PPP1R13L: variants seen among roughly 807,000 people sequenced by gnomAD.
PPP1R13L encodes relA-associated inhibitor.
Under a neutral mutation model 80.9 loss-of-function variants are expected in PPP1R13L, and 50 were observed. The observed-to-expected ratio is 0.62, with a 90% CI of 0.49 to 0.78. PPP1R13L has a LOEUF of 0.78. Ranked by LOEUF, PPP1R13L falls within the 30% of genes least tolerant of loss-of-function variation. PPP1R13L has a pLI of 0.00. For synonymous variants in PPP1R13L, 602 were observed against 534.3 expected, an observed-to-expected ratio of 1.13 and a Z score of -1.75; for missense variants, 1,200 against 1,205.9, an observed-to-expected ratio of 1.00 and a Z score of 0.07.
At chr19:45,402,566 G>A (rs1025708912) in intron 1 of PPP1R13L, among the ~76,000 whole-genome samples, 3 of 152,196 alleles carry the variant, frequency 2.0e-5, no homozygotes, top group African/African-American at 4.8e-5. Flanking sequence ...CGGGGAATGC[G>A]CAGCGGGCCC....
chr19:45,383,660 C>A (rs1388052190), intron 11 of PPP1R13L, among the ~76,000 whole-genome samples: 1 of 152,178 alleles, frequency 6.6e-6, no homozygotes, highest in Non-Finnish European at 1.5e-5. Context: ...TTTTGCCCTA[C>A]CCTGGCGCTT....
intron 11 of PPP1R13L, among the ~76,000 whole-genome samples, chr19:45,383,923 G>A (rs1453152871): frequency 6.6e-6 from 1 of 151,558 alleles, no homozygotes. Context: ...CGCTACACCC[G>A]GCTAAATTGT....
At chr19:45,389,985 G>C (rs1004201315) in intron 8 of PPP1R13L, among the ~76,000 whole-genome samples, 1 of 151,834 alleles carries the variant, frequency 6.6e-6, no homozygotes, top group Non-Finnish European at 1.5e-5. Context: ...GTAGAGACGG[G>C]GTTTCACCGT....
chr19:45,380,219 TG>T lies in PPP1R13L; in HGVS notation c.2457del (p.Arg820GlyfsTer2). On this transcript the variant is annotated frameshift_variant, in exon 13 of 13. Coordinates refer to ENST00000360957, the MANE Select transcript of PPP1R13L (RefSeq NM_006663.4). LOFTEE classifies it high-confidence loss of function. The stretch of plus-strand genomic sequence containing the variant: ...ACTTTACTCCTTTGAGGCTTCACCC[TG>T]GGGAACAGCTGGGGAGAGACAGGAT... ...YVPRNYFGLF[P>X]RVKPQRSKV 6.2e-7 allele frequency: 1 copy of T among 1,614,022 alleles called. No homozygotes were observed. Among genetic ancestry groups the T allele is most frequent in the Non-Finnish European group, 8.5e-7 (1 of 1,179,976 alleles).
At chr19:45,406,182 T>G (rs1973356267), upstream of PPP1R13L, 3 of 606,728 alleles carry the variant, frequency 4.9e-6, no homozygotes, top group Non-Finnish European at 6.2e-6. This position sits in a 1 kb window ranked among gnomAD's most constrained non-coding sequence, Gnocchi z 4.2. Flanking sequence ...TTGCCCCTAT[T>G]TCTCCATTTT....
intron 8 of PPP1R13L, among the ~76,000 whole-genome samples, chr19:45,387,087 A>C (rs779367691): frequency 5.9e-5 from 9 of 151,768 alleles, no homozygotes; most frequent in Non-Finnish European, 1.3e-4. Context: ...TGGGCAATAT[A>C]GTGAGACCCA....
At chr19:45,402,042 T>C (rs1240226094) in intron 1 of PPP1R13L, 1 of 152,134 alleles carries the variant, frequency 6.6e-6, no homozygotes, top group Non-Finnish European at 1.5e-5. Context: ...GTTCACCTCA[T>C]AGGACTACTG....
At position 45,385,876 on chromosome 19, in the gene PPP1R13L, C is replaced by A. The variant is rs533221256; in HGVS notation, c.2029G>T (p.Asp677Tyr). The change falls in exon 10 of 13, where the codon GAT (aspartate) becomes TAT (tyrosine). Residue 677 changes from aspartate (D) to tyrosine (Y), a missense_variant. Physicochemically the swap from Asp to Tyr is radical, Grantham distance 160 (BLOSUM62 -3). This residue lies in a region of PPP1R13L where 214 missense variants were observed against 199.6 expected (regional missense o/e 1.07). Transcript: ENST00000360957. ...TTGGCACCCGCGGTGATGAGGAAATCCACGATAGAGTAGTTGGCGCCGCAG... is the reference window on the plus strand; with the variant it reads ...TTGGCACCCGCGGTGATGAGGAAATACACGATAGAGTAGTTGGCGCCGCAG... Reference protein sequence around the residue: ...AICGANYSIVDFLITAGANVN... With the variant: ...AICGANYSIVYFLITAGANVN... 1.6e-5 allele frequency: 26 copies of A among 1,611,098 alleles called. No homozygotes were observed. In the East Asian group the frequency reaches 5.1e-4, roughly 32 times the overall value.
At chr19:45,380,559 T>C (rs1441514510) in intron 12 of PPP1R13L, among the ~76,000 whole-genome samples, 1 of 152,100 alleles carries the variant, frequency 6.6e-6, no homozygotes, top group Non-Finnish European at 1.5e-5. Context: ...GGGTCACACC[T>C]ATAATCCCAG....
chr19:45,385,411 A>T (rs901038403), intron 11 of PPP1R13L, 151 bp downstream of exon 11: 2 of 933,502 alleles, frequency 2.1e-6, no homozygotes, highest in African/African-American at 3.3e-5. Context: ...CACCCCCGCA[A>T]GCGGTCCATC....
intron 7 of PPP1R13L, 155 bp downstream of exon 7, chr19:45,395,281 C>A: frequency 9.4e-7 from 1 of 1,068,678 alleles, no homozygotes. Flanking sequence ...GGCTCCTACC[C>A]AAATTCCCAA....
At position 45,395,752 on chromosome 19, in the gene PPP1R13L, C is replaced by A. The variant is rs906839762; in HGVS notation, c.1038G>T (p.Trp346Cys). ...GCATGGGGATGCGGCTGACGGGCTG[C>A]CAGCTGCGAGGCAAAGTGCCCGACG... ...AGPSGTLPRSWQPVSRIPMPP... is the reference protein window; with the variant it reads ...AGPSGTLPRSCQPVSRIPMPP... Residue 346 changes from tryptophan to cysteine, a missense_variant, in exon 7 of 13, where the codon TGG becomes TGT. Around this residue, in one of 5 missense-constraint regions of PPP1R13L, gnomAD observed 764 missense variants for 714.5 expected, o/e 1.07. Transcript: ENST00000360957. 5.9e-6 allele frequency: 9 copies of A among 1,533,674 alleles called. No homozygotes were observed. The African/African-American group carries it at 6.8e-5, about 12-fold the overall frequency.
chr19:45,397,506 C>CTTTCT lies in PPP1R13L; in HGVS notation c.199-453_199-449dup, dbSNP rs1555782669. Among the ~76,000 whole-genome samples, 9 of 121,074 alleles carry CTTTCT rather than the reference C, an allele frequency of 7.4e-5. No individual in the cohort carries two copies. The Admixed American group carries it at 7.7e-4, about 10-fold the overall frequency. 79.4% of individuals were successfully genotyped at this position (121,074 alleles called of 152,430 possible). Reference sequence around the variant, plus strand: ...TCTTTCTTTCTTTCTTTCTTTCTTTCTTTCTTTCTTTTCTATCTCGGCTCA... The same window carrying CTTTCT: ...TCTTTCTTTCTTTCTTTCTTTCTTTCTTTCTTTTCTTTCTTTTCTATCTCGGCTCA... On this transcript the variant is annotated intron_variant, in intron 3 of 12. Transcript: ENST00000360957.
chr19:45,391,074 T>G (rs1431700367), intron 8 of PPP1R13L, among the ~76,000 whole-genome samples: 1 of 151,930 alleles, frequency 6.6e-6, no homozygotes, highest in Non-Finnish European at 1.5e-5. Context: ...GGCATACACT[T>G]ATAATCCCAG....
rs905458374 is a variant in PPP1R13L, at chr19:45,396,798, G to A, written c.459C>T (p.Leu153=). The A allele has an allele frequency of 8.5e-6, 12 of 1,405,532 alleles. No homozygotes were observed. The highest frequency in any genetic ancestry group is 3.0e-5 in the East Asian group (1 of 33,274). The allele number at this position is 1,405,532 out of a possible 1,614,324, so 87.1% of individuals were successfully genotyped here. The change falls in exon 4 of 13, where the codon CTC becomes CTT. Residue 153 remains leucine, a synonymous_variant. Transcript: ENST00000360957. This position sits in a 1 kb window ranked among gnomAD's most constrained non-coding sequence, Gnocchi z 5.3. ...PRAFDGAGSS[L]GRAPSPRPGP... is the part of the protein sequence containing the mutation. ...CGGGCCGCGGGGAGGGCGCACGGCC[G>A]AGGGAGCTGCCTGCGCCATCGAAGG...
chr19:45,385,838 G>C lies in PPP1R13L; in HGVS notation c.2067C>G (p.Pro689=). The C allele has an allele frequency of 1.2e-6, 2 of 1,610,978 alleles. No homozygotes were observed. Among genetic ancestry groups the C allele is most frequent in the Non-Finnish European group, 1.7e-6 (2 of 1,178,804 alleles). ...TCGGGGCTCACCAGCCGTGGCTGTCGGGGGAGTTGACATTGGCACCCGCGG... is the reference window on the plus strand; with the variant it reads ...TCGGGGCTCACCAGCCGTGGCTGTCCGGGGAGTTGACATTGGCACCCGCGG... ...LITAGANVNS[P]DSHGWTPLHC... is the part of the protein sequence containing the mutation. The change falls in exon 10 of 13, where the codon CCC becomes CCG. Residue 689 remains proline, a synonymous_variant. Coordinates refer to ENST00000360957, the MANE Select transcript of PPP1R13L (RefSeq NM_006663.4).
chr19:45,382,886 A>T (rs549216758), intron 11 of PPP1R13L, among the ~76,000 whole-genome samples, 160 bp from the exon 12 acceptor site: 1 of 151,916 alleles, frequency 6.6e-6, no homozygotes, highest in Non-Finnish European at 1.5e-5. Context: ...CCGGAGCTGG[A>T]GTCAGATGCC....
Position 45,392,474 on chromosome 19 carries a change from G to A in PPP1R13L, c.1355-134C>T, listed in dbSNP as rs565946354. ...CAGGGAAGTTCCTTGCCCTCTCTGGGCTACACTTTCCTTGGGCTGTGAATA... is the reference window on the plus strand; with the variant it reads ...CAGGGAAGTTCCTTGCCCTCTCTGGACTACACTTTCCTTGGGCTGTGAATA... On this transcript the variant is annotated intron_variant, in intron 7 of 12. Transcript: ENST00000360957. 5.5e-5 allele frequency: 49 copies of A among 898,162 alleles called. No individual in the cohort carries two copies. In the African/African-American group the frequency reaches 7.7e-4, roughly 14 times the overall value. 55.6% of individuals were successfully genotyped at this position (898,162 alleles called of 1,614,324 possible).
chr19:45,400,602 CTT>C (rs57044476), intron 1 of PPP1R13L, among the ~76,000 whole-genome samples: 31 of 138,736 alleles, frequency 2.2e-4, no homozygotes, highest in Non-Finnish European at 1.9e-4. Context: ...GGCAAATCAC[CTT>C]TTTTTTTTTT....
Sources: allele counts gnomAD v4.1 joint callset (sites outside exome capture counted in the v4.1 genomes callset), GRCh38; gene constraint gnomAD v4.1.1; regional missense constraint gnomAD v4.1.1; non-coding constraint Gnocchi (gnomAD v3.1); transcripts MANE v1.5; gene names NCBI Gene and HGNC (gene_info 2026-07-23, HGNC 2026-07-21).